The following DMXL1 variants were observed in gnomAD, a reference collection of about 807,000 sequenced individuals.
The protein encoded by DMXL1 is Dmx like 1, also known as dmX-like protein 1.
A neutral mutation model predicts 319.2 loss-of-function variants in DMXL1; 99 were observed. That is an observed-to-expected ratio of 0.31 (90% confidence interval 0.26 to 0.37). DMXL1 has a LOEUF of 0.37. DMXL1 is among the 10% of genes least tolerant of loss of function. The pLI is 1.00. For missense variants in DMXL1, 3,745 were observed against 3,595.6 expected (o/e 1.04, Z -1.06); for synonymous variants, 1,385 against 1,235.2 (o/e 1.12, Z -2.54).
chr5:119,157,462 T>TGC (rs772777063), intron 19 of DMXL1, among the ~76,000 whole-genome samples: 17 of 152,346 alleles, frequency 1.1e-4, no homozygotes, highest in Middle Eastern at 3.4e-3. Flanking sequence ...GCAGGTCTTA[T>TGC]GCTTAAGTAT....
In DMXL1 at chr5:119,203,324, A is replaced by C. The variant is rs1781162317; in HGVS notation, c.7751A>C (p.Lys2584Thr). 6.4e-7 allele frequency: 1 copy of C among 1,572,516 alleles called. No individual in the cohort carries two copies. The highest frequency in any genetic ancestry group is 8.6e-7 in the Non-Finnish European group (1 of 1,164,630). Residue 2584 changes from lysine to threonine, a missense_variant, in exon 33 of 44, where the codon AAA (lysine) becomes ACA (threonine). Transcript: ENST00000539542. ...LEPTNTPFKS[K>T]HHLALSVKRL... ...TTTGCTGTCTCTCTCTGTAGATCCAAACACCATCTGGCACTGTCTGTGAAG... is the reference window on the plus strand; with the variant it reads ...TTTGCTGTCTCTCTCTGTAGATCCACACACCATCTGGCACTGTCTGTGAAG...
At chr5:119,171,727 G>A in intron 24 of DMXL1, 51 bp from the exon 25 acceptor site, 2 of 1,453,930 alleles carry the variant, frequency 1.4e-6, no homozygotes, top group Non-Finnish European at 1.9e-6. Context: ...TGAAGTAATG[G>A]TTTGTAACTG....
intron 1 of DMXL1, among the ~76,000 whole-genome samples, chr5:119,083,724 A>G (rs1736471104): frequency 1.3e-5 from 2 of 151,960 alleles, no homozygotes; most frequent in Admixed American, 1.3e-4. Context: ...TGTTTTTAGT[A>G]GAGATGGGGT....
chr5:119,146,925 T>G lies in DMXL1; in HGVS notation c.2658T>G (p.Asn886Lys). Residue 886 changes from asparagine (N) to lysine (K), a missense_variant, in exon 16 of 44, where the codon AAT (asparagine) becomes AAG (lysine). By Grantham distance (94) the Asn-to-Lys change is moderately conservative. Around this residue, in one of 4 missense-constraint regions of DMXL1, gnomAD observed 2,096 missense variants for 1,985.4 expected, o/e 1.06. Coordinates refer to ENST00000539542, the MANE Select transcript of DMXL1 (RefSeq NM_001290321.3). The part of the protein sequence containing the change: ...QDNRSLLHMW[N>K]LHLKSIPVSL... ...ACCGTTCACTGTTACACATGTGGAA[T>G]TTACATCTAAAGTCAATTCCTGTCT... 6.2e-7 allele frequency: 1 copy of G among 1,612,452 alleles called. No individual in the cohort carries two copies. Among genetic ancestry groups the G allele is most frequent in the Non-Finnish European group, 8.5e-7 (1 of 1,179,130 alleles).
In DMXL1 at chr5:119,118,891, A is replaced by T. The variant is rs1336385422; in HGVS notation, c.820A>T (p.Asn274Tyr). Residue 274 changes from asparagine (N) to tyrosine (Y), a missense_variant, in exon 8 of 44, where the codon AAT becomes TAT. This residue lies in a region of DMXL1 where 2,096 missense variants were observed against 1,985.4 expected (regional missense o/e 1.06). Coordinates refer to ENST00000539542, the MANE Select transcript of DMXL1 (RefSeq NM_001290321.3). ...TCTTTGGGTAGAGACATTTTTACCAAATGATTGTTTGCTATACGGAGGTGA... is the reference window on the plus strand; with the variant it reads ...TCTTTGGGTAGAGACATTTTTACCATATGATTGTTTGCTATACGGAGGTGA... The part of the protein sequence containing the change: ...CRLWVETFLP[N>Y]DCLLYGGDCS... 6.2e-7 allele frequency: 1 copy of T among 1,614,032 alleles called. No individual in the cohort carries two copies. Among genetic ancestry groups the T allele is most frequent in the Non-Finnish European group, 8.5e-7 (1 of 1,179,946 alleles).
At position 119,114,459 on chromosome 5, in the gene DMXL1, T is replaced by C. The variant is rs761637468; in HGVS notation, c.498-16T>C. ...AGTTTTCATTGCAAATTATTCCTTA[T>C]CTGTTTAATTTACAGAACTGCTTCC... is the stretch of plus-strand genomic sequence containing the variant. On this transcript the variant is annotated splice_polypyrimidine_tract_variant and intron_variant, in intron 5 of 43. Transcript: ENST00000539542. 4.9e-5 allele frequency: 77 copies of C among 1,557,792 alleles called. No individual in the cohort carries two copies. The highest frequency in any genetic ancestry group is 6.4e-5 in the Non-Finnish European group (73 of 1,142,234).
intron 2 of DMXL1, among the ~76,000 whole-genome samples, chr5:119,098,449 A>T (rs1232210511): frequency 2.0e-5 from 3 of 148,298 alleles, no homozygotes; most frequent in African/African-American, 4.9e-5. Flanking sequence ...GATTTAGAAT[A>T]TTTTTTTTTT....
chr5:119,109,431 C>G (rs1472819317), intron 4 of DMXL1, among the ~76,000 whole-genome samples: 1 of 152,070 alleles, frequency 6.6e-6, no homozygotes, highest in African/African-American at 2.4e-5. Flanking sequence ...CCCCACAATC[C>G]CCCACTGCCA....
intron 1 of DMXL1, among the ~76,000 whole-genome samples, chr5:119,093,310 A>G (rs976899999): frequency 1.3e-5 from 2 of 151,922 alleles, no homozygotes; most frequent in Non-Finnish European, 2.9e-5. Flanking sequence ...TAATTTTCAT[A>G]TTTTTAGTAG....
At position 119,248,482 on chromosome 5, in the gene DMXL1, A is replaced by G. The variant is rs1790114031; in HGVS notation, c.*1263A>G. 6.6e-6 allele frequency: 1 copy of G among 152,480 alleles called. No individual in the cohort carries two copies. Among genetic ancestry groups the G allele is most frequent in the Non-Finnish European group, 1.5e-5 (1 of 67,914 alleles). 9.4% of individuals were successfully genotyped at this position (152,480 alleles called of 1,614,324 possible). On this transcript the variant is annotated 3_prime_UTR_variant, in exon 44 of 44. Coordinates refer to ENST00000539542, the MANE Select transcript of DMXL1 (RefSeq NM_001290321.3). ...CTTGATAAATACTTGATTTTAACCA[A>G]TGAGACTACAGGCAGATGGGACTAA...
rs141125355 is a variant in DMXL1, at chr5:119,238,256, C to T, written c.8560-733C>T. 3.8e-3 allele frequency among the ~76,000 whole-genome samples: 573 copies of T among 151,990 alleles called. 6 individuals are homozygous for T. The highest frequency in any genetic ancestry group is 0.013 in the African/African-American group (554 of 41,474). On this transcript the variant is annotated intron_variant, in intron 40 of 43. Transcript: ENST00000539542. ...AAGGACACATCATCTAGCCCAGCTC[C>T]AGTAGTGTTCCAGGGGAAATGGGGA...
chr5:119,236,738 C>G (rs1398491506), intron 39 of DMXL1: 1 of 151,768 alleles, frequency 6.6e-6, no homozygotes, highest in Non-Finnish European at 1.5e-5. Flanking sequence ...TTATAATAAG[C>G]TGCGTTATTT....
intron 1 of DMXL1, among the ~76,000 whole-genome samples, chr5:119,094,606 A>C (rs1352475374): frequency 6.6e-6 from 1 of 152,214 alleles, no homozygotes; most frequent in Non-Finnish European, 1.5e-5. Flanking sequence ...TATTTAAGAA[A>C]GTTATTTCAT....
At chr5:119,085,515 C>T (rs927578757) in intron 1 of DMXL1, among the ~76,000 whole-genome samples, 18 of 151,948 alleles carry the variant, frequency 1.2e-4, no homozygotes, top group African/African-American at 4.4e-4. Flanking sequence ...AGAAATGCTG[C>T]TGATTTTTGT....
intron 1 of DMXL1, among the ~76,000 whole-genome samples, chr5:119,089,139 A>C (rs944292657): frequency 6.6e-6 from 1 of 151,058 alleles, no homozygotes; most frequent in African/African-American, 2.4e-5. Context: ...TGCTGGCTAC[A>C]ATATTTATAG....
chr5:119,182,002 C>A lies in DMXL1; in HGVS notation c.7135+3758C>A, dbSNP rs181449223. 2.0e-4 allele frequency among the ~76,000 whole-genome samples: 30 copies of A among 152,258 alleles called. No individual in the cohort carries two copies. The East Asian group carries it at 5.8e-3, about 29-fold the overall frequency. ...TCAATATAAAGTAACGTTCAGAAAT[C>A]TCAGTTTTTTTAAGGCATTATTATG... On this transcript the variant is annotated intron_variant, in intron 28 of 43. Transcript: ENST00000539542.
chr5:119,247,495 G>A lies in DMXL1; in HGVS notation c.*276G>A, dbSNP rs1136729. Reference sequence around the variant, plus strand: ...TATGTCATAGTGTTAAAGGTGTTTTGTTTTCTTATTGATACTTTTCCACAG... The same window carrying A: ...TATGTCATAGTGTTAAAGGTGTTTTATTTTCTTATTGATACTTTTCCACAG... On this transcript the variant is annotated 3_prime_UTR_variant, in exon 44 of 44. Transcript: ENST00000539542. 1 of 204,460 alleles carries A rather than the reference G, an allele frequency of 4.9e-6. No homozygotes were observed. The highest frequency in any genetic ancestry group is 2.3e-5 in the African/African-American group (1 of 43,336). The allele number at this position is 204,460 out of a possible 1,614,324, so 12.7% of individuals were successfully genotyped here. A position where few individuals can be genotyped will look rare whatever the true frequency, so the allele number is the denominator to read the frequency against.
intron 13 of DMXL1, among the ~76,000 whole-genome samples, chr5:119,139,636 G>A (rs1217315620): frequency 6.6e-6 from 1 of 152,174 alleles, no homozygotes; most frequent in Non-Finnish European, 1.5e-5. Flanking sequence ...CAACTTCTTA[G>A]AAACCTACAA....
At chr5:119,092,938 G>A (rs1755115717) in intron 1 of DMXL1, among the ~76,000 whole-genome samples, 1 of 152,170 alleles carries the variant, frequency 6.6e-6, no homozygotes, top group Admixed American at 6.5e-5. Context: ...TGGCCATTAT[G>A]AATAATGCTG....
Sources: gnomAD v4.1 joint callset for allele counts (sites outside exome capture counted in the v4.1 genomes callset) on GRCh38, gnomAD v4.1.1 for gene constraint, gnomAD v4.1.1 regional missense constraint, MANE v1.5 for transcripts, NCBI Gene and HGNC (gene_info 2026-07-23, HGNC 2026-07-21) for gene names.